Variants in CYFIP2 observed in about 807,000 individuals in gnomAD.
The protein encoded by CYFIP2 is cytoplasmic FMR1-interacting protein 2.
In CYFIP2, 29 loss-of-function variants were observed where a neutral mutation model predicts 158.7. That is an observed-to-expected ratio of 0.18 (90% CI 0.14 to 0.25). The LOEUF (loss-of-function observed/expected upper bound fraction) is 0.25, where lower values mean the gene tolerates loss of function less well. CYFIP2 is among the 10% of genes least tolerant of loss of function. The pLI is 1.00. For synonymous variants in CYFIP2, 585 were observed against 617.6 expected, an observed-to-expected ratio of 0.95 and a Z score of 0.78; for missense variants, 852 against 1,639.5, an observed-to-expected ratio of 0.52 and a Z score of 8.29.
chr5:157,320,616 G>A (rs867981102), intron 14 of CYFIP2, 39 bp from the exon 15 acceptor site: 2 of 1,612,826 alleles, frequency 1.2e-6, no homozygotes, highest in Non-Finnish European at 1.7e-6. Flanking sequence ...GTTTTCCCAT[G>A]GTGAAACCTG....
chr5:157,333,787 G>C (rs1470393074), intron 21 of CYFIP2, among the ~76,000 whole-genome samples: 5 of 152,188 alleles, frequency 3.3e-5, no homozygotes, highest in Non-Finnish European at 5.9e-5. Context: ...GGCTTCACAG[G>C]TGTGCAGTAG....
At chr5:157,353,923 G>A (rs146025083) in intron 23 of CYFIP2, among the ~76,000 whole-genome samples, 53 of 152,296 alleles carry the variant, frequency 3.5e-4, no homozygotes, top group African/African-American at 5.3e-4. Flanking sequence ...GTGGCTGGCC[G>A]TGTTTACCAT....
chr5:157,329,040 T>C (rs1014329693), intron 19 of CYFIP2, among the ~76,000 whole-genome samples: 2 of 152,270 alleles, frequency 1.3e-5, no homozygotes, highest in African/African-American at 4.8e-5. Flanking sequence ...ATAATTTTTC[T>C]ATGAAAAGGA....
intron 3 of CYFIP2, among the ~76,000 whole-genome samples, chr5:157,292,442 C>T (rs373305072): frequency 4.6e-5 from 7 of 152,314 alleles, no homozygotes; most frequent in African/African-American, 1.7e-4. Flanking sequence ...TGGCCTCGAA[C>T]TCCCGACCTC....
At chr5:157,283,776 C>T (rs538726998) in intron 1 of CYFIP2, among the ~76,000 whole-genome samples, 13 of 152,298 alleles carry the variant, frequency 8.5e-5, no homozygotes, top group African/African-American at 1.7e-4. Flanking sequence ...GTATTAGTCT[C>T]GGGGCAGCAG....
intron 17 of CYFIP2, 78 bp from the exon 18 acceptor site, chr5:157,326,093 A>G: frequency 9.1e-7 from 1 of 1,104,394 alleles, no homozygotes; most frequent in Non-Finnish European, 1.4e-6. Flanking sequence ...ACTTGTTTCT[A>G]TTTCCCAAGC....
intron 29 of CYFIP2, 76 bp downstream of exon 29, chr5:157,389,503 CAGCCAGAAACGT>C: frequency 7.3e-7 from 1 of 1,365,314 alleles, no homozygotes; most frequent in Non-Finnish European, 9.8e-7. Flanking sequence ...TGCCAGAGTT[CAGCCAGAAACGT>C]GGGCAGGGGG....
chr5:157,363,300 T>G (rs1764015223), intron 26 of CYFIP2: 1 of 152,268 alleles, frequency 6.6e-6, no homozygotes, highest in African/African-American at 2.4e-5. Flanking sequence ...CATCCAGCCA[T>G]CCATCCACTC....
At chr5:157,282,618 G>C (rs904988583) in intron 1 of CYFIP2, among the ~76,000 whole-genome samples, 1 of 152,196 alleles carries the variant, frequency 6.6e-6, no homozygotes, top group African/African-American at 2.4e-5. Flanking sequence ...CAGATTCCTA[G>C]AAGTGGGATT....
At chr5:157,296,504 G>C (rs1420847996) in intron 4 of CYFIP2, 169 bp from the exon 5 acceptor site, 4 of 632,466 alleles carry the variant, frequency 6.3e-6, no homozygotes, top group Non-Finnish European at 1.2e-5. Context: ...TGAGTTGGGA[G>C]GATCACTTGA....
intron 7 of CYFIP2, 145 bp downstream of exon 7, chr5:157,303,035 C>A: frequency 1.5e-6 from 1 of 647,232 alleles, no homozygotes; most frequent in Non-Finnish European, 2.6e-6. Context: ...TGAAATGTAG[C>A]TGAGGACTTA....
chr5:157,353,837 A>G (rs1051721144), intron 23 of CYFIP2, among the ~76,000 whole-genome samples: 3 of 152,190 alleles, frequency 2.0e-5, no homozygotes, highest in Admixed American at 6.5e-5. Flanking sequence ...GAAAACAGCA[A>G]TTGTGATTCC....
intron 26 of CYFIP2, among the ~76,000 whole-genome samples, chr5:157,375,061 A>G (rs1277437636): frequency 6.6e-6 from 1 of 152,206 alleles, no homozygotes; most frequent in African/African-American, 2.4e-5. Flanking sequence ...TAAAATCAGC[A>G]TTCCCAACTT....
chr5:157,365,270 C>T (rs1247364429), intron 26 of CYFIP2: 1 of 152,084 alleles, frequency 6.6e-6, no homozygotes, highest in African/African-American at 2.4e-5. Flanking sequence ...TGGGAAATAC[C>T]AGAAAGTGCG....
chr5:157,364,979 A>G lies in CYFIP2; in HGVS notation c.3039+3381A>G, dbSNP rs186950131. The G allele has an allele frequency of 2.1e-3, 326 of 152,326 alleles. 1 individual carries two copies. The highest frequency in any genetic ancestry group is 7.2e-3 in the African/African-American group (299 of 41,562). 9.4% of individuals were successfully genotyped at this position (152,326 alleles called of 1,614,324 possible). On this transcript the variant is annotated intron_variant, in intron 26 of 30. Coordinates refer to ENST00000620254, the MANE Select transcript of CYFIP2 (RefSeq NM_001037333.3). ...CACATACCAAGATAAAAAATAGTGA[A>G]AGATACAATATTGAGCTTTAAAAAG... is the stretch of plus-strand genomic sequence containing the variant.
intron 21 of CYFIP2, among the ~76,000 whole-genome samples, chr5:157,334,933 A>G (rs575798417): frequency 2.0e-5 from 3 of 152,344 alleles, no homozygotes; most frequent in Non-Finnish European, 2.9e-5. Context: ...TGATTGCACT[A>G]TGGTTCCGCC....
intron 18 of CYFIP2, 103 bp from the exon 19 acceptor site, chr5:157,327,870 T>G: frequency 9.3e-7 from 1 of 1,072,490 alleles, no homozygotes; most frequent in Non-Finnish European, 1.4e-6. Flanking sequence ...TTCCCCAGAA[T>G]GCACTCTGGG....
intron 30 of CYFIP2, among the ~76,000 whole-genome samples, chr5:157,391,534 A>C (rs1408630892): frequency 6.6e-6 from 1 of 152,110 alleles, no homozygotes; most frequent in Non-Finnish European, 1.5e-5. Context: ...ATAGAATCAC[A>C]CAGTATTTGT....
intron 16 of CYFIP2, 114 bp downstream of exon 16, chr5:157,324,188 G>A (rs1760831829): frequency 4.0e-6 from 5 of 1,237,416 alleles, no homozygotes; most frequent in African/African-American, 1.5e-5. Context: ...ACCCTAAGGG[G>A]CACATATCAC....
Sources: allele counts gnomAD v4.1 joint callset (sites outside exome capture counted in the v4.1 genomes callset), GRCh38; gene constraint gnomAD v4.1.1; transcripts MANE v1.5; gene names NCBI Gene and HGNC (gene_info 2026-07-23, HGNC 2026-07-21).